The following CREB3L1 variants were observed in gnomAD, a reference collection of about 807,000 sequenced individuals.
CREB3L1 encodes the protein cyclic AMP-responsive element-binding protein 3-like protein 1.
CREB3L1 carries 33 observed loss-of-function variants against 54.5 expected under a neutral mutation model. The ratio of observed to expected loss-of-function variants is 0.61; its 90% CI spans 0.46 to 0.81. The LOEUF is 0.81. Among genes scored for constraint, CREB3L1 ranks in the 30% least tolerant of loss-of-function variants. The probability of loss-of-function intolerance (pLI) is 0.00; values close to 1 mark genes in which losing one functional copy is unlikely to be tolerated. For synonymous variants in CREB3L1, 284 were observed against 286.4 expected (o/e 0.99, Z 0.08); for missense variants, 656 against 673.3 (o/e 0.97, Z 0.29).
chr11:46,311,270 T>C (rs1939481598), intron 5 of CREB3L1, 81 bp downstream of exon 5: 3 of 1,411,718 alleles, frequency 2.1e-6, no homozygotes, highest in South Asian at 1.5e-5. Flanking sequence ...TCAGGAGGGT[T>C]TGGGGAGCCC....
chr11:46,289,669 C>G (rs539344490), intron 1 of CREB3L1, among the ~76,000 whole-genome samples: 2 of 152,268 alleles, frequency 1.3e-5, no homozygotes, highest in South Asian at 4.1e-4. Flanking sequence ...GAGGTATAAG[C>G]AAAGGTCCTA....
chr11:46,306,076 G>T (rs1000938384), intron 2 of CREB3L1, among the ~76,000 whole-genome samples: 1 of 151,802 alleles, frequency 6.6e-6, no homozygotes, highest in African/African-American at 2.4e-5. Flanking sequence ...ATAGGGTCTC[G>T]CTCTGTCACC....
chr11:46,285,554 A>G (rs961199383), intron 1 of CREB3L1, among the ~76,000 whole-genome samples: 16 of 152,304 alleles, frequency 1.1e-4, no homozygotes, highest in African/African-American at 3.8e-4. Context: ...AATGTCAAAG[A>G]TCTTGATCCC....
intron 1 of CREB3L1, among the ~76,000 whole-genome samples, chr11:46,289,143 T>C (rs1230721058): frequency 1.3e-5 from 2 of 152,158 alleles, no homozygotes; most frequent in East Asian, 1.9e-4. Flanking sequence ...TTTGGGAGGC[T>C]GAGGCAGGCG....
chr11:46,305,700 G>GTGTATA (rs1555222414), intron 2 of CREB3L1, among the ~76,000 whole-genome samples: 5 of 87,522 alleles, frequency 5.7e-5, no homozygotes, highest in African/African-American at 1.9e-4. Context: ...ATGTGTGTGT[G>GTGTATA]TGTGTGTGTG....
chr11:46,294,821 C>T (rs1419458017), intron 1 of CREB3L1, among the ~76,000 whole-genome samples: 1 of 151,850 alleles, frequency 6.6e-6, no homozygotes, highest in Non-Finnish European at 1.5e-5. Context: ...AAGTAACCGT[C>T]CGGGAATGCA....
intron 2 of CREB3L1, among the ~76,000 whole-genome samples, chr11:46,303,850 T>TA (rs1399190651): frequency 1.3e-5 from 2 of 151,594 alleles, no homozygotes; most frequent in Non-Finnish European, 2.9e-5. Flanking sequence ...AATTAAAAAT[T>TA]AAAAAATTAG....
intron 4 of CREB3L1, 123 bp from the exon 5 acceptor site, chr11:46,310,909 G>C: frequency 7.1e-7 from 1 of 1,406,162 alleles, no homozygotes; most frequent in Non-Finnish European, 9.4e-7. Flanking sequence ...CTGAGACCAA[G>C]CGCCTGGCAG....
intron 1 of CREB3L1, among the ~76,000 whole-genome samples, chr11:46,298,468 C>T (rs1426178430): frequency 1.3e-5 from 2 of 152,170 alleles, no homozygotes; most frequent in Non-Finnish European, 2.9e-5. Flanking sequence ...AAGGCCGAGG[C>T]GGGCAGATCA....
chr11:46,281,892 A>G (rs1472552060), intron 1 of CREB3L1, among the ~76,000 whole-genome samples: 1 of 152,200 alleles, frequency 6.6e-6, no homozygotes, highest in African/African-American at 2.4e-5. Flanking sequence ...TCAGAGTGCA[A>G]TCTGCTAGAA....
intron 1 of CREB3L1, among the ~76,000 whole-genome samples, chr11:46,293,311 C>G (rs887194725): frequency 1.6e-4 from 24 of 152,284 alleles, no homozygotes; most frequent in Non-Finnish European, 3.1e-4. Context: ...CAGCCCTGGG[C>G]GGCGGCACTC....
At chr11:46,313,091 G>A (rs1481334422) in intron 8 of CREB3L1, among the ~76,000 whole-genome samples, 172 bp downstream of exon 8, 4 of 152,100 alleles carry the variant, frequency 2.6e-5, no homozygotes, top group Non-Finnish European at 5.9e-5. Flanking sequence ...CCCTCTCTGT[G>A]TTCCCATTTT....
chr11:46,313,047 C>T, intron 8 of CREB3L1, 128 bp downstream of exon 8: 1 of 688,196 alleles, frequency 1.5e-6, no homozygotes, highest in South Asian at 2.0e-5. Flanking sequence ...ACCCCAGAAA[C>T]ACACCCTGCA....
chr11:46,286,823 A>G (rs1939061836), intron 1 of CREB3L1, among the ~76,000 whole-genome samples: 1 of 145,992 alleles, frequency 6.8e-6, no homozygotes, highest in Non-Finnish European at 1.6e-5. Context: ...AAAGAAAAAG[A>G]AAGAAAGAAG....
intron 6 of CREB3L1, 62 bp from the exon 7 acceptor site, chr11:46,312,549 TG>T: frequency 5.6e-6 from 9 of 1,608,200 alleles, no homozygotes; most frequent in Non-Finnish European, 7.6e-6. Context: ...GCTCTGAAAT[TG>T]GGGGGCCCAG....
Position 46,321,328 on chromosome 11 carries a change from G to GGA in CREB3L1, c.*583_*584insAG, listed in dbSNP as rs1408453818. On this transcript the variant is annotated 3_prime_UTR_variant, in exon 12 of 12. Transcript: ENST00000621158. ...CCCCCCTGCTGCTGCCCAAGCCGCT[G>GGA]GGCCTTTTTAATTGCCAAACTGCTC... 1 of 241,430 alleles carries GGA rather than the reference G, an allele frequency of 4.1e-6. No homozygotes were observed. Among genetic ancestry groups the GGA allele is most frequent in the Non-Finnish European group, 8.3e-6 (1 of 120,624 alleles). 15.0% of individuals were successfully genotyped at this position (241,430 alleles called of 1,614,324 possible).
In CREB3L1 at chr11:46,311,187, C is replaced by T. The variant is rs780940667; in HGVS notation, c.751C>T (p.His251Tyr). 6.3e-7 allele frequency: 1 copy of T among 1,578,880 alleles called. No individual in the cohort carries two copies. The highest frequency in any genetic ancestry group is 8.6e-7 in the Non-Finnish European group (1 of 1,167,148). Residue 251 changes from histidine (H) to tyrosine (Y), a missense_variant and splice_region_variant, in exon 5 of 12, where the codon CAC (histidine) becomes TAC (tyrosine). His to Tyr is a moderately conservative substitution (Grantham distance 83). Coordinates refer to ENST00000621158, the MANE Select transcript of CREB3L1 (RefSeq NM_052854.4). ...CACCTCCCCACTCCTCACTGCCCCTCACGTAAGGAGCTGGGGGTGGGCTGA... is the reference window on the plus strand; with the variant it reads ...CACCTCCCCACTCCTCACTGCCCCTTACGTAAGGAGCTGGGGGTGGGCTGA... ...ISTSPLLTAP[H>Y]KLQGTSGPLL...
chr11:46,283,120 G>C (rs1308197445), intron 1 of CREB3L1, among the ~76,000 whole-genome samples: 4 of 152,156 alleles, frequency 2.6e-5, no homozygotes, highest in African/African-American at 9.7e-5. Context: ...GGGCTGGGGA[G>C]GTTGGGACTG....
rs779587929 is a variant in CREB3L1 at position 46,278,237 on chromosome 11, C to A, written c.102+24C>A. 42 of 1,463,746 alleles carry A rather than the reference C, an allele frequency of 2.9e-5. 1 individual carries two copies. The Admixed American group carries it at 4.0e-4, about 14-fold the overall frequency. 90.7% of individuals were successfully genotyped at this position (1,463,746 alleles called of 1,614,324 possible). On this transcript the variant is annotated intron_variant, in intron 1 of 11. Transcript: ENST00000621158. The surrounding 1 kb of genome is among the most constrained non-coding windows in gnomAD (Gnocchi z 4.2). ...CGGTAAGATGAAGGGTCTCCGTTCC[C>A]GTTCCACCCCTCGGCACCCGTCCTC... is the stretch of plus-strand genomic sequence containing the variant.
Sources: allele counts gnomAD v4.1 joint callset (sites outside exome capture counted in the v4.1 genomes callset), GRCh38; gene constraint gnomAD v4.1.1; non-coding constraint Gnocchi (gnomAD v3.1); transcripts MANE v1.5; gene names NCBI Gene and HGNC (gene_info 2026-07-23, HGNC 2026-07-21).